FLRT2: variants seen among roughly 807,000 people sequenced by gnomAD.
The protein encoded by FLRT2 is leucine-rich repeat transmembrane protein FLRT2.
In FLRT2, 15 loss-of-function variants were observed where a neutral mutation model predicts 40.0. The observed-to-expected ratio is 0.38, with a 90% CI of 0.25 to 0.58. The LOEUF is 0.58. Ranked by LOEUF, FLRT2 falls within the 20% of genes least tolerant of loss-of-function variation. The probability of loss-of-function intolerance (pLI) is 0.71; values close to 1 mark genes in which losing one functional copy is unlikely to be tolerated. For missense variants in FLRT2, 726 were observed against 840.0 expected, an observed-to-expected ratio of 0.86 and a Z score of 1.68; for synonymous variants, 380 against 336.8, an observed-to-expected ratio of 1.13 and a Z score of -1.41.
rs1450984181 is a variant in FLRT2 at position 85,628,618 on chromosome 14, CT to C, written c.*5122del. The C allele has an allele frequency of 6.6e-6, 1 of 152,166 alleles. No homozygotes were observed. Among genetic ancestry groups the C allele is most frequent in the Admixed American group, 6.5e-5 (1 of 15,270 alleles). The allele number at this position is 152,166 out of a possible 1,614,324, so 9.4% of individuals were successfully genotyped here. A position where few individuals can be genotyped will look rare whatever the true frequency, so the allele number is the denominator to read the frequency against. Reference sequence around the variant, plus strand: ...TTTTCAGAACCCCTTTTGCTAACCCCTCTTGGCCATTTCATTAATAATGTAT... The same window carrying C: ...TTTTCAGAACCCCTTTTGCTAACCCCCTTGGCCATTTCATTAATAATGTAT... On this transcript the variant is annotated 3_prime_UTR_variant, in exon 2 of 2. Coordinates refer to ENST00000330753, the MANE Select transcript of FLRT2 (RefSeq NM_013231.6).
At chr14:85,560,623 A>G (rs900928682) in intron 1 of FLRT2, among the ~76,000 whole-genome samples, 1 of 151,556 alleles carries the variant, frequency 6.6e-6, no homozygotes, top group Non-Finnish European at 1.5e-5. Flanking sequence ...AAAAATAAAG[A>G]AAAAAAAGAA....
At chr14:85,586,351 C>A (rs1194274195) in intron 1 of FLRT2, among the ~76,000 whole-genome samples, 3 of 152,006 alleles carry the variant, frequency 2.0e-5, no homozygotes, top group Admixed American at 6.6e-5. Context: ...TTCTTACGTA[C>A]TCTGCTTACT....
intron 1 of FLRT2, among the ~76,000 whole-genome samples, chr14:85,567,163 A>G (rs1427407010): frequency 6.9e-6 from 1 of 144,768 alleles, no homozygotes; most frequent in Non-Finnish European, 1.6e-5. Context: ...GCTTCATGAA[A>G]GTGGGTGAAA....
At chr14:85,595,551 ATG>A (rs1892099514) in intron 1 of FLRT2, among the ~76,000 whole-genome samples, 1 of 152,038 alleles carries the variant, frequency 6.6e-6, no homozygotes, top group African/African-American at 2.4e-5. Flanking sequence ...TTTGTTACAT[ATG>A]TGTATATGCA....
chr14:85,540,351 A>C (rs964868633), intron 1 of FLRT2, among the ~76,000 whole-genome samples: 1 of 151,844 alleles, frequency 6.6e-6, no homozygotes, highest in Non-Finnish European at 1.5e-5. Context: ...GTGTCATTAA[A>C]CCCTGTGGAA....
chr14:85,541,555 C>T (rs956805681), intron 1 of FLRT2, among the ~76,000 whole-genome samples: 4 of 152,156 alleles, frequency 2.6e-5, no homozygotes, highest in Non-Finnish European at 5.9e-5. Context: ...GGAGGAGTAG[C>T]TCTTTCTACT....
rs1893788619 is a variant in FLRT2 at position 85,628,521 on chromosome 14, A to C, written c.*5024A>C. The stretch of plus-strand genomic sequence containing the variant: ...CGCAGAATTTATAGCACATCTGTCC[A>C]TCCTTTCAATAGGCACTCAAGGAAA... On this transcript the variant is annotated 3_prime_UTR_variant, in exon 2 of 2. Coordinates refer to ENST00000330753, the MANE Select transcript of FLRT2 (RefSeq NM_013231.6). The C allele has an allele frequency of 6.6e-6, 1 of 152,168 alleles. No homozygotes were observed. Among genetic ancestry groups the C allele is most frequent in the South Asian group, 2.1e-4 (1 of 4,826 alleles). The allele number at this position is 152,168 out of a possible 1,614,324, so 9.4% of individuals were successfully genotyped here.
chr14:85,643,130 A>G lies in FLRT2; in HGVS notation c.*19633A>G, dbSNP rs1010004299. 5 of 152,144 alleles carry G rather than the reference A, an allele frequency of 3.3e-5. No homozygotes were observed. Among genetic ancestry groups the G allele is most frequent in the Admixed American group, 3.3e-4 (5 of 15,264 alleles). 9.4% of individuals were successfully genotyped at this position (152,144 alleles called of 1,614,324 possible). A position where few individuals can be genotyped will look rare whatever the true frequency, so the allele number is the denominator to read the frequency against. On this transcript the variant is annotated 3_prime_UTR_variant, in exon 2 of 2. Transcript: ENST00000330753. ...TTGCCTCCCAAAGGCCTCATCTTCA[A>G]ACACTATTCCACTCGGGGCTAGGAT...
At chr14:85,579,025 T>C (rs959322772) in intron 1 of FLRT2, among the ~76,000 whole-genome samples, 7 of 152,226 alleles carry the variant, frequency 4.6e-5, no homozygotes, top group Non-Finnish European at 5.9e-5. Flanking sequence ...GAAAACACTT[T>C]GAATTCTTGT....
At chr14:85,550,216 T>A (rs1566722180) in intron 1 of FLRT2, among the ~76,000 whole-genome samples, 1 of 152,224 alleles carries the variant, frequency 6.6e-6, no homozygotes, top group East Asian at 1.9e-4. Flanking sequence ...AGCTTGTCAC[T>A]ATAAACGAGA....
intron 1 of FLRT2, among the ~76,000 whole-genome samples, chr14:85,578,981 C>A (rs1891262903): frequency 6.6e-6 from 1 of 152,180 alleles, no homozygotes; most frequent in African/African-American, 2.4e-5. Context: ...ACCTTCTGAT[C>A]CACCCCAGCA....
chr14:85,595,912 G>A (rs529840765), intron 1 of FLRT2, among the ~76,000 whole-genome samples: 112 of 152,214 alleles, frequency 7.4e-4, no homozygotes, highest in Non-Finnish European at 1.3e-3. Flanking sequence ...TTCACTTGGC[G>A]GGCAAGAAGT....
intron 1 of FLRT2, among the ~76,000 whole-genome samples, chr14:85,571,472 T>C (rs961780343): frequency 2.6e-5 from 4 of 152,036 alleles, no homozygotes; most frequent in African/African-American, 9.7e-5. Context: ...GAAGAAGAAA[T>C]GGTTTGTATA....
chr14:85,599,239 T>C (rs1336479005), intron 1 of FLRT2, among the ~76,000 whole-genome samples: 2 of 101,532 alleles, frequency 2.0e-5, no homozygotes, highest in South Asian at 3.0e-4. Flanking sequence ...TTTTTTTTTT[T>C]TCAAGGTGAC....
Position 85,631,693 on chromosome 14 carries a change from A to G in FLRT2, c.*8196A>G, listed in dbSNP as rs1893877907. 1 of 152,236 alleles carries G rather than the reference A, an allele frequency of 6.6e-6. No individual in the cohort carries two copies. Among genetic ancestry groups the G allele is most frequent in the Non-Finnish European group, 1.5e-5 (1 of 68,046 alleles). The allele number at this position is 152,236 out of a possible 1,614,324, so 9.4% of individuals were successfully genotyped here. A position where few individuals can be genotyped will look rare whatever the true frequency, so the allele number is the denominator to read the frequency against. On this transcript the variant is annotated 3_prime_UTR_variant, in exon 2 of 2. Transcript: ENST00000330753. Reference sequence around the variant, plus strand: ...CTTGATTACTCATCAACATTTTTAAAAGAAATTTTGTTTTTATGATTATTT... The same window carrying G: ...CTTGATTACTCATCAACATTTTTAAGAGAAATTTTGTTTTTATGATTATTT...
chr14:85,539,392 C>T (rs1397340800), intron 1 of FLRT2, among the ~76,000 whole-genome samples: 1 of 151,560 alleles, frequency 6.6e-6, no homozygotes, highest in Non-Finnish European at 1.5e-5. Flanking sequence ...AAAAAAATCA[C>T]AAGCCTAGAA....
chr14:85,572,666 A>T (rs532220953), intron 1 of FLRT2, among the ~76,000 whole-genome samples: 3 of 152,298 alleles, frequency 2.0e-5, no homozygotes, highest in South Asian at 4.1e-4. Flanking sequence ...CTGTAAGTAT[A>T]TGGTGACTGG....
intron 1 of FLRT2, among the ~76,000 whole-genome samples, chr14:85,577,363 TA>T (rs1566736576): frequency 1.3e-5 from 2 of 152,160 alleles, no homozygotes; most frequent in Non-Finnish European, 2.9e-5. Flanking sequence ...GCAGTGCTCT[TA>T]CAAAATTCCT....
rs142242956 is a variant in FLRT2, at chr14:85,622,852, C to G, written c.1338C>G (p.Thr446=). The G allele has an allele frequency of 6.2e-7, 1 of 1,614,174 alleles. No individual in the cohort carries two copies. The highest frequency in any genetic ancestry group is 8.5e-7 in the Non-Finnish European group (1 of 1,180,038). Residue 446 remains threonine (T), a synonymous_variant, in exon 2 of 2, where the codon ACC becomes ACG. Coordinates refer to ENST00000330753, the MANE Select transcript of FLRT2 (RefSeq NM_013231.6). ...SIQVSWLSLF[T]VMAYKLTWVK... ...AAGTCAGCTGGCTCTCTCTCTTCAC[C>G]GTGATGGCATACAAACTCACATGGG...
Sources: allele counts gnomAD v4.1 joint callset (sites outside exome capture counted in the v4.1 genomes callset), GRCh38; gene constraint gnomAD v4.1.1; transcripts MANE v1.5; gene names NCBI Gene and HGNC (gene_info 2026-07-23, HGNC 2026-07-21).